The following TDRD12 variants were observed in gnomAD, a reference collection of about 807,000 sequenced individuals.
TDRD12 encodes the protein tudor domain containing 12.
In TDRD12, 158 loss-of-function variants were observed where a neutral mutation model predicts 133.5. The ratio of observed to expected loss-of-function variants is 1.18; its 90% confidence interval spans 1.04 to 1.35. TDRD12 has a LOEUF of 1.35. Among genes scored for constraint, TDRD12 ranks in the 40% most tolerant of loss-of-function variants. The pLI is 0.00. For synonymous variants in TDRD12, 460 were observed against 477.9 expected, an observed-to-expected ratio of 0.96 and a Z score of 0.49; for missense variants, 1,443 against 1,321.3, an observed-to-expected ratio of 1.09 and a Z score of -1.43.
At chr19:32,827,372 C>CTTTTCTTTTCTTTCT (rs61327156) in exon 10 of TDRD12, 1 of 119,008 alleles carries the variant, frequency 8.4e-6, no homozygotes. Flanking sequence ...CTTTTCTTTT[C>CTTTTCTTTTCTTTCT]TTTTTTTTTT....
Position 32,727,631 on chromosome 19 carries a change from C to T in TDRD12, c.25-4094C>T, listed in dbSNP as rs150046472. ...CTTTGATCCATTTTGAGTATGGTGT[C>T]ACATAAAGGTCCAAATTTATTCTTT... On this transcript the variant is annotated intron_variant, in intron 1 of 27. Transcript: ENST00000444215. 1.0e-3 allele frequency among the ~76,000 whole-genome samples: 153 copies of T among 152,150 alleles called. 1 individual carries two copies. The highest frequency in any genetic ancestry group is 3.4e-3 in the African/African-American group (142 of 41,526).
chr19:32,797,721 G>C lies in TDRD12; in HGVS notation c.1474-14G>C. On this transcript the variant is annotated splice_polypyrimidine_tract_variant and intron_variant, in intron 14 of 27. Transcript: ENST00000444215. The stretch of plus-strand genomic sequence containing the variant: ...CTACTGTCTGGAGTCATTTGAATTT[G>C]TCTGTCTTCGCAGCCTCTCGCAGTC... 1 of 655,542 alleles carries C rather than the reference G, an allele frequency of 1.5e-6. No homozygotes were observed. Among genetic ancestry groups the C allele is most frequent in the Non-Finnish European group, 2.7e-6 (1 of 365,492 alleles). 40.6% of individuals were successfully genotyped at this position (655,542 alleles called of 1,614,324 possible). A position where few individuals can be genotyped will look rare whatever the true frequency, so the allele number is the denominator to read the frequency against.
intron 25 of TDRD12, among the ~76,000 whole-genome samples, chr19:32,815,012 G>A (rs1967126820): frequency 2.0e-5 from 3 of 152,220 alleles, no homozygotes; most frequent in South Asian, 2.1e-4. Context: ...CAGAAAAGAC[G>A]AACAGAAGAA....
At chr19:32,781,302 T>C (rs768108419) in intron 11 of TDRD12, among the ~76,000 whole-genome samples, 2 of 152,220 alleles carry the variant, frequency 1.3e-5, no homozygotes, top group Non-Finnish European at 2.9e-5. Flanking sequence ...AAACTCAGGT[T>C]CTCACTTGTG....
intron 8 of TDRD12, among the ~76,000 whole-genome samples, chr19:32,765,632 G>A (rs1236165841): frequency 2.0e-5 from 3 of 151,104 alleles, no homozygotes; most frequent in Admixed American, 6.6e-5. Context: ...GCAAACTATC[G>A]CAAGGACAAA....
intron 8 of TDRD12, among the ~76,000 whole-genome samples, chr19:32,758,024 C>T (rs370078991): frequency 9.9e-5 from 15 of 152,210 alleles, no homozygotes; most frequent in African/African-American, 1.4e-4. Flanking sequence ...ACCCCGTCCC[C>T]GACCTGGGCC....
chr19:32,759,624 C>G (rs1427259785), intron 8 of TDRD12, among the ~76,000 whole-genome samples: 2 of 152,070 alleles, frequency 1.3e-5, no homozygotes, highest in Non-Finnish European at 2.9e-5. Context: ...GAAAAATAAA[C>G]ACAATAAAAT....
intron 2 of TDRD12, among the ~76,000 whole-genome samples, chr19:32,734,959 A>T (rs896162513): frequency 6.6e-6 from 1 of 152,166 alleles, no homozygotes; most frequent in Non-Finnish European, 1.5e-5. Flanking sequence ...CCCATGTAAG[A>T]TAGTGAATTT....
intron 7 of TDRD12, 129 bp from the exon 8 acceptor site, chr19:32,756,909 G>T: frequency 1.5e-6 from 1 of 684,166 alleles, no homozygotes; most frequent in Non-Finnish European, 2.5e-6. Context: ...CCCTCACCTT[G>T]TGTCCCCTAG....
chr19:32,762,625 A>G (rs1424381992), intron 8 of TDRD12, among the ~76,000 whole-genome samples: 1 of 152,172 alleles, frequency 6.6e-6, no homozygotes, highest in African/African-American at 2.4e-5. Flanking sequence ...CTAGCAGTGC[A>G]CCTCAACAGC....
intron 13 of TDRD12, among the ~76,000 whole-genome samples, chr19:32,791,599 G>C (rs1379128951): frequency 6.6e-6 from 1 of 152,156 alleles, no homozygotes; most frequent in Non-Finnish European, 1.5e-5. Context: ...GAAAGCAGGA[G>C]ACAGAGTGTG....
chr19:32,791,089 G>A, intron 13 of TDRD12, 21 bp downstream of exon 13: 1 of 1,521,586 alleles, frequency 6.6e-7, no homozygotes, highest in Non-Finnish European at 8.8e-7. Flanking sequence ...TCGTAAAACT[G>A]AATTTATCAA....
At chr19:32,722,375 C>G (rs939743651) in intron 1 of TDRD12, among the ~76,000 whole-genome samples, 2 of 152,148 alleles carry the variant, frequency 1.3e-5, no homozygotes, top group African/African-American at 4.8e-5. Context: ...TTTACCTGCT[C>G]AACTCTGATC....
intron 21 of TDRD12, among the ~76,000 whole-genome samples, chr19:32,805,729 C>CTTTTTTTTTTTTTT (rs397860060): frequency 1.7e-5 from 2 of 118,900 alleles, no homozygotes; most frequent in Admixed American, 8.9e-5. Flanking sequence ...TTTTTTTTAT[C>CTTTTTTTTTTTTTT]TTTTTTTTTT....
intron 17 of TDRD12, 49 bp downstream of exon 17, chr19:32,800,407 G>A: frequency 2.2e-6 from 3 of 1,342,552 alleles, no homozygotes; most frequent in Middle Eastern, 1.9e-4. Flanking sequence ...GTGTGTATGT[G>A]TTGGTGGGGG....
intron 21 of TDRD12, among the ~76,000 whole-genome samples, chr19:32,803,625 A>G (rs990629845): frequency 6.6e-6 from 1 of 152,164 alleles, no homozygotes; most frequent in Non-Finnish European, 1.5e-5. Context: ...TAGACGCTCC[A>G]GAGGGCAAGT....
intron 4 of TDRD12, 28 bp downstream of exon 4, chr19:32,742,928 A>C: frequency 6.5e-7 from 1 of 1,548,212 alleles, no homozygotes; most frequent in Non-Finnish European, 8.7e-7. Flanking sequence ...AGTCCTTCGA[A>C]TCATTAGTAA....
intron 25 of TDRD12, 123 bp downstream of exon 25, chr19:32,813,899 T>C (rs1427958009): frequency 1.6e-6 from 1 of 639,570 alleles, no homozygotes; most frequent in East Asian, 2.8e-5. Context: ...TGGGGATTTG[T>C]TAGGGAGAGG....
intron 14 of TDRD12, among the ~76,000 whole-genome samples, chr19:32,795,631 AACCT>A (rs1406025030): frequency 6.6e-6 from 1 of 152,080 alleles, no homozygotes; most frequent in Non-Finnish European, 1.5e-5. Flanking sequence ...CATGTGGGAA[AACCT>A]CAGAATAACT....
Sources: gnomAD v4.1 joint callset for allele counts (sites outside exome capture counted in the v4.1 genomes callset) on GRCh38, gnomAD v4.1.1 for gene constraint, MANE v1.5 for transcripts, NCBI Gene and HGNC (gene_info 2026-07-23, HGNC 2026-07-21) for gene names.